OPRM1: variants seen among roughly 807,000 people sequenced by gnomAD.
The protein encoded by OPRM1 is mu-type opioid receptor.
In OPRM1, 27 loss-of-function variants were observed where a neutral mutation model predicts 31.8. The ratio of observed to expected loss-of-function variants is 0.85; its 90% CI spans 0.63 to 1.17. The LOEUF (loss-of-function observed/expected upper bound fraction) is 1.17. OPRM1 is among the 50% of genes most tolerant of loss of function. The pLI is 0.00. For missense variants in OPRM1, 536 were observed against 511.1 expected, an observed-to-expected ratio of 1.05 and a Z score of -0.47; for synonymous variants, 196 against 189.9, an observed-to-expected ratio of 1.03 and a Z score of -0.26.
chr6:154,011,499 A>G (rs1188936262), intron 1 of OPRM1, among the ~76,000 whole-genome samples: 2 of 152,224 alleles, frequency 1.3e-5, no homozygotes. Flanking sequence ...TTAAGAATGC[A>G]TAATTATCTT....
chr6:154,118,736 A>G lies in OPRM1; in HGVS notation c.*15A>G, dbSNP rs549357272. On this transcript the variant is annotated 3_prime_UTR_variant, in exon 4 of 4. Coordinates refer to ENST00000330432, the MANE Select transcript of OPRM1 (RefSeq NM_000914.5). The stretch of plus-strand genomic sequence containing the variant: ...CGTTGCCCTAACAGGGTCTCATGCC[A>G]TTCCGACCTTCACCAAGCTTAGAAG... 1 of 1,612,948 alleles carries G rather than the reference A, an allele frequency of 6.2e-7. No homozygotes were observed. Among genetic ancestry groups the G allele is most frequent in the African/African-American group, 1.3e-5 (1 of 75,032 alleles).
chr6:154,116,936 A>G (rs1796944152), intron 3 of OPRM1, among the ~76,000 whole-genome samples: 1 of 152,148 alleles, frequency 6.6e-6, no homozygotes, highest in African/African-American at 2.4e-5. Flanking sequence ...CTTCAGGTGT[A>G]TACATTTGTA....
intron 3 of OPRM1, among the ~76,000 whole-genome samples, chr6:154,244,655 T>C (rs1053566688): frequency 1.3e-5 from 2 of 152,192 alleles, no homozygotes; most frequent in African/African-American, 4.8e-5. Context: ...AGGTAACTCA[T>C]TTCTCCTCTA....
chr6:154,099,659 G>GTATATACATATATACATATATACATATA lies in OPRM1; in HGVS notation c.1164+8203_1164+8204insTATATACATATATATATACATATATACA, dbSNP rs141279542. On this transcript the variant is annotated intron_variant, in intron 3 of 3. Transcript: ENST00000330432. ...TATACACACATATATATACACACAT[G>GTATATACATATATACATATATACATATA]TATATACATATATACACACATATAT... Among the ~76,000 whole-genome samples the GTATATACATATATACATATATACATATA allele has an allele frequency of 2.6e-4, 37 of 143,914 alleles. No individual in the cohort carries two copies. The South Asian group carries it at 7.4e-3, about 29-fold the overall frequency. The allele number at this position is 143,914 out of a possible 152,430, so 94.4% of individuals were successfully genotyped here. A position where few individuals can be genotyped will look rare whatever the true frequency, so the allele number is the denominator to read the frequency against.
At chr6:154,041,333 T>A (rs1402927232) in intron 1 of OPRM1, among the ~76,000 whole-genome samples, 1 of 152,238 alleles carries the variant, frequency 6.6e-6, no homozygotes, top group Non-Finnish European at 1.5e-5. Context: ...TATTTATTTT[T>A]AAAAACATTT....
chr6:154,131,408 A>G lies in OPRM1; in HGVS notation c.*12687A>G, dbSNP rs2128534047. Reference sequence around the variant, plus strand: ...TATAGCTTTAAGTCAAACCTAACATAAGCAATCAACCCTTCCACCCATTGT... The same window carrying G: ...TATAGCTTTAAGTCAAACCTAACATGAGCAATCAACCCTTCCACCCATTGT... On this transcript the variant is annotated 3_prime_UTR_variant, in exon 4 of 4. Transcript: ENST00000330432. 6.6e-6 allele frequency among the ~76,000 whole-genome samples: 1 copy of G among 152,310 alleles called. No homozygotes were observed. The highest frequency in any genetic ancestry group is 2.4e-5 in the African/African-American group (1 of 41,574).
upstream of OPRM1, chr6:154,039,127 C>T: frequency 1.3e-6 from 2 of 1,538,034 alleles, no homozygotes; most frequent in Non-Finnish European, 1.8e-6. Context: ...CTCTATCTCT[C>T]TCCCCAACCC....
At chr6:154,237,824 C>CTA (rs1464784126) in intron 3 of OPRM1, among the ~76,000 whole-genome samples, 1 of 151,872 alleles carries the variant, frequency 6.6e-6, no homozygotes, top group Non-Finnish European at 1.5e-5. Flanking sequence ...ACATGCATAT[C>CTA]TATATATATG....
chr6:154,072,789 T>C (rs895962130), intron 1 of OPRM1, among the ~76,000 whole-genome samples: 3 of 152,234 alleles, frequency 2.0e-5, no homozygotes, highest in African/African-American at 7.2e-5. Context: ...AATATCTTTA[T>C]GATGGAAAGT....
intron 1 of OPRM1, among the ~76,000 whole-genome samples, chr6:154,078,087 C>A (rs912849914): frequency 3.3e-5 from 5 of 152,126 alleles, no homozygotes; most frequent in Admixed American, 6.5e-5. Flanking sequence ...TGCTTAAATT[C>A]TCTGGCCATT....
At chr6:154,139,172 G>A (rs578074834) in intron 3 of OPRM1, among the ~76,000 whole-genome samples, 4 of 152,308 alleles carry the variant, frequency 2.6e-5, no homozygotes, top group South Asian at 4.1e-4. Flanking sequence ...TCCCTATTGC[G>A]ATTCCCCAGT....
chr6:154,147,364 G>A (rs1798386120), intron 3 of OPRM1, among the ~76,000 whole-genome samples: 3 of 152,172 alleles, frequency 2.0e-5, no homozygotes, highest in African/African-American at 4.8e-5. Flanking sequence ...ATGAACTACA[G>A]CTGTGTGGTA....
intron 3 of OPRM1, among the ~76,000 whole-genome samples, chr6:154,226,953 T>C (rs1200986358): frequency 6.6e-6 from 1 of 152,162 alleles, no homozygotes; most frequent in Non-Finnish European, 1.5e-5. Context: ...TCCCAGCACT[T>C]TGGGAGGCCA....
At chr6:154,246,697 C>G (rs373281207) in exon 4 of OPRM1, 15 of 1,613,894 alleles carry the variant, frequency 9.3e-6, no homozygotes, top group Non-Finnish European at 2.5e-6. Flanking sequence ...ATACAGCCAC[C>G]CTTGGCAGTC....
chr6:154,141,234 C>T (rs889022749), intron 3 of OPRM1, among the ~76,000 whole-genome samples: 11 of 152,192 alleles, frequency 7.2e-5, no homozygotes, highest in South Asian at 2.1e-4. Flanking sequence ...ATGGGCAGCG[C>T]GTGTTAATGT....
intron 3 of OPRM1, among the ~76,000 whole-genome samples, chr6:154,103,621 C>T (rs2058463195): frequency 6.6e-6 from 1 of 152,198 alleles, no homozygotes; most frequent in Non-Finnish European, 1.5e-5. Flanking sequence ...AATAGCTACT[C>T]CATAGAGCAG....
chr6:154,227,691 T>A (rs1440697030), intron 3 of OPRM1, among the ~76,000 whole-genome samples: 1 of 152,182 alleles, frequency 6.6e-6, no homozygotes, highest in South Asian at 2.1e-4. Flanking sequence ...CACTCCAGCC[T>A]GGGTGACAGA....
chr6:154,098,174 G>A (rs1793739782), intron 3 of OPRM1, among the ~76,000 whole-genome samples: 1 of 152,178 alleles, frequency 6.6e-6, no homozygotes, highest in Non-Finnish European at 1.5e-5. Flanking sequence ...AATGTGCCCT[G>A]ATATATTCCA....
chr6:154,125,441 C>T lies in OPRM1; in HGVS notation c.*6720C>T, dbSNP rs1380384693. Among the ~76,000 whole-genome samples the T allele has an allele frequency of 6.6e-6, 1 of 152,096 alleles. No homozygotes were observed. The highest frequency in any genetic ancestry group is 6.5e-5 in the Admixed American group (1 of 15,270). On this transcript the variant is annotated 3_prime_UTR_variant, in exon 4 of 4. Transcript: ENST00000330432. Reference sequence around the variant, plus strand: ...GATTCAGAGTTTTCTTGCTTAAGTTCCAACTAAAAGTATTACATTCTTAGC... The same window carrying T: ...GATTCAGAGTTTTCTTGCTTAAGTTTCAACTAAAAGTATTACATTCTTAGC...
Sources: allele counts gnomAD v4.1 joint callset (sites outside exome capture counted in the v4.1 genomes callset), GRCh38; gene constraint gnomAD v4.1.1; transcripts MANE v1.5; gene names NCBI Gene and HGNC (gene_info 2026-07-23, HGNC 2026-07-21).